The following PRKCE variants were observed in gnomAD, a reference collection of about 807,000 sequenced individuals.
PRKCE encodes protein kinase C epsilon type.
A neutral mutation model predicts 85.4 loss-of-function variants in PRKCE; 16 were observed. The observed-to-expected ratio is 0.19, with a 90% confidence interval of 0.13 to 0.28. The LOEUF is 0.28. Among genes scored for constraint, PRKCE ranks in the 10% least tolerant of loss-of-function variants. PRKCE has a pLI of 1.00. For synonymous variants in PRKCE, 388 were observed against 371.5 expected (o/e 1.04, Z -0.51); for missense variants, 573 against 975.2 (o/e 0.59, Z 5.49).
chr2:45,821,786 G>A (rs1047494470), intron 1 of PRKCE, among the ~76,000 whole-genome samples: 1 of 152,166 alleles, frequency 6.6e-6, no homozygotes, highest in African/African-American at 2.4e-5. Context: ...CAGAGGGAAG[G>A]CTTGGGCAAG....
At chr2:46,141,810 G>A (rs890309597) in intron 11 of PRKCE, among the ~76,000 whole-genome samples, 10 of 152,064 alleles carry the variant, frequency 6.6e-5, no homozygotes, top group South Asian at 4.2e-4. Context: ...TTGCAAAGCC[G>A]TCAGTCTCCA....
chr2:46,050,601 GT>G (rs1281818295), intron 10 of PRKCE, among the ~76,000 whole-genome samples: 3 of 152,194 alleles, frequency 2.0e-5, no homozygotes, highest in Non-Finnish European at 4.4e-5. Flanking sequence ...AGGAAGAAAG[GT>G]TTCTGTTTCC....
At chr2:46,106,947 T>G (rs932028720) in intron 11 of PRKCE, among the ~76,000 whole-genome samples, 1 of 152,230 alleles carries the variant, frequency 6.6e-6, no homozygotes, top group Non-Finnish European at 1.5e-5. Flanking sequence ...ATAATACAGA[T>G]AAGTTATTTT....
rs1667803203 is a variant in PRKCE, at chr2:46,068,380, A to G, written c.1438-17828A>G. On this transcript the variant is annotated intron_variant, in intron 10 of 14. Transcript: ENST00000306156. The surrounding 1 kb of genome is among the most constrained non-coding windows in gnomAD (Gnocchi z 4.3). ...TGGTGCTCACCCACCTTGGTAGTTC[A>G]GACAATCATAGCAGAGCAGAACCAA... Among the ~76,000 whole-genome samples the G allele has an allele frequency of 6.6e-6, 1 of 152,216 alleles. No homozygotes were observed. Among genetic ancestry groups the G allele is most frequent in the African/African-American group, 2.4e-5 (1 of 41,446 alleles).
intron 10 of PRKCE, among the ~76,000 whole-genome samples, chr2:46,056,240 C>T (rs1035268085): frequency 6.9e-6 from 1 of 144,426 alleles, no homozygotes; most frequent in East Asian, 1.9e-4. Context: ...TGTTCTTGAA[C>T]CTTTTTTTTT....
At chr2:46,126,066 GC>G (rs1465837921) in intron 11 of PRKCE, among the ~76,000 whole-genome samples, 1 of 152,186 alleles carries the variant, frequency 6.6e-6, no homozygotes, top group Non-Finnish European at 1.5e-5. Flanking sequence ...TGTTTTACCA[GC>G]CTGGCATCCA....
At chr2:46,154,392 C>G (rs1484322457) in intron 13 of PRKCE, among the ~76,000 whole-genome samples, 1 of 151,984 alleles carries the variant, frequency 6.6e-6, no homozygotes, top group Non-Finnish European at 1.5e-5. Context: ...TCTTGCTACT[C>G]GTGGAAATTA....
intron 3 of PRKCE, 44 bp downstream of exon 3, chr2:45,976,632 A>G (rs2104533494): frequency 1.3e-6 from 2 of 1,584,724 alleles, no homozygotes; most frequent in Non-Finnish European, 1.7e-6. Flanking sequence ...CATCTCTGTT[A>G]CAAGATGTCG....
intron 1 of PRKCE, among the ~76,000 whole-genome samples, chr2:45,744,498 T>TC: frequency 1.9e-5 from 1 of 53,662 alleles, no homozygotes; most frequent in African/African-American, 9.7e-5. Flanking sequence ...TTTCTTTCTT[T>TC]CTTTTCTTTC....
chr2:45,679,006 A>G (rs1676683494), intron 1 of PRKCE, among the ~76,000 whole-genome samples: 2 of 152,192 alleles, frequency 1.3e-5, no homozygotes, highest in Admixed American at 6.5e-5. Flanking sequence ...GAAAGACAAA[A>G]CATGTCATTG....
intron 2 of PRKCE, among the ~76,000 whole-genome samples, chr2:45,854,952 G>A (rs1251703458): frequency 6.6e-6 from 1 of 152,214 alleles, no homozygotes; most frequent in Non-Finnish European, 1.5e-5. Flanking sequence ...CCAATAAGCA[G>A]AGCTCACCAG....
At chr2:45,933,252 C>A (rs1699171046) in intron 2 of PRKCE, among the ~76,000 whole-genome samples, 1 of 152,078 alleles carries the variant, frequency 6.6e-6, no homozygotes, top group South Asian at 2.1e-4. Flanking sequence ...ATTGCAAGTA[C>A]CTTCTTGTCT....
chr2:45,741,493 C>T (rs1682567126), intron 1 of PRKCE, among the ~76,000 whole-genome samples: 1 of 152,158 alleles, frequency 6.6e-6, no homozygotes, highest in African/African-American at 2.4e-5. Context: ...AGACAGAGAG[C>T]CAAGGTTCTT....
At chr2:46,124,385 T>C (rs1386883429) in intron 11 of PRKCE, among the ~76,000 whole-genome samples, 1 of 152,190 alleles carries the variant, frequency 6.6e-6, no homozygotes, top group Non-Finnish European at 1.5e-5. Flanking sequence ...ATTTCTAATT[T>C]TAATCGTGTT....
chr2:45,918,105 C>G lies in PRKCE; in HGVS notation c.413-58324C>G, dbSNP rs150062746. 2.7e-3 allele frequency among the ~76,000 whole-genome samples: 411 copies of G among 152,358 alleles called. 1 individual carries two copies. Among genetic ancestry groups the G allele is most frequent in the Non-Finnish European group, 4.9e-3 (335 of 68,036 alleles). On this transcript the variant is annotated intron_variant, in intron 2 of 14. Transcript: ENST00000306156. ...GGGAGCCGGCTCCGGCCTTGGCCAG[C>G]CCAGAAAGGGGCTCCCAGAGTGCAG...
intron 14 of PRKCE, among the ~76,000 whole-genome samples, chr2:46,179,424 A>G (rs949105925): frequency 6.6e-6 from 1 of 152,130 alleles, no homozygotes; most frequent in Non-Finnish European, 1.5e-5. Context: ...AGGCAGGCCC[A>G]GTCTCTGAGA....
intron 1 of PRKCE, among the ~76,000 whole-genome samples, chr2:45,825,537 A>C (rs1006630932): frequency 6.6e-6 from 1 of 152,194 alleles, no homozygotes; most frequent in Non-Finnish European, 1.5e-5. Context: ...CAAAAAGTGC[A>C]GACAGTTAGT....
intron 10 of PRKCE, among the ~76,000 whole-genome samples, chr2:46,077,740 C>T (rs1374849847): frequency 1.3e-5 from 2 of 152,162 alleles, no homozygotes; most frequent in Non-Finnish European, 2.9e-5. Context: ...TCAGATGAGA[C>T]TCTTTCATTC....
chr2:46,025,075 G>A (rs1327317574), intron 10 of PRKCE, among the ~76,000 whole-genome samples: 1 of 150,840 alleles, frequency 6.6e-6, no homozygotes, highest in Non-Finnish European at 1.5e-5. Flanking sequence ...AAATTTGACT[G>A]TAAAAAAAAA....
Sources: allele counts gnomAD v4.1 joint callset (sites outside exome capture counted in the v4.1 genomes callset), GRCh38; gene constraint gnomAD v4.1.1; non-coding constraint Gnocchi (gnomAD v3.1); transcripts MANE v1.5; gene names NCBI Gene and HGNC (gene_info 2026-07-23, HGNC 2026-07-21).